Variants in PTPRN2 observed in about 807,000 individuals in gnomAD.
The protein encoded by PTPRN2 is receptor-type tyrosine-protein phosphatase N2.
In PTPRN2, 74 loss-of-function variants were observed where a neutral mutation model predicts 118.8. The observed-to-expected ratio is 0.62, with a 90% CI of 0.52 to 0.76. The LOEUF is 0.76. Among genes scored for constraint, PTPRN2 ranks in the 30% least tolerant of loss-of-function variants. The probability of loss-of-function intolerance (pLI) is 0.00; values close to 1 mark genes in which losing one functional copy is unlikely to be tolerated. For missense variants in PTPRN2, 1,481 were observed against 1,394.4 expected, an observed-to-expected ratio of 1.06 and a Z score of -0.99; for synonymous variants, 641 against 608.0, an observed-to-expected ratio of 1.05 and a Z score of -0.80.
At chr7:158,572,335 T>G (rs565795841) in intron 1 of PTPRN2, among the ~76,000 whole-genome samples, 1 of 152,354 alleles carries the variant, frequency 6.6e-6, no homozygotes, top group East Asian at 1.9e-4. Context: ...TGTGAACAAC[T>G]GTGGGGTTAA....
chr7:158,116,889 A>G (rs1434087611), intron 9 of PTPRN2, among the ~76,000 whole-genome samples: 1 of 152,204 alleles, frequency 6.6e-6, no homozygotes, highest in African/African-American at 2.4e-5. Flanking sequence ...CCTCAGGCTG[A>G]TCCTTGGCAC....
Position 157,603,855 on chromosome 7 carries a change from G to C in PTPRN2, c.2418+147C>G. 2.8e-6 allele frequency: 2 copies of C among 725,636 alleles called. No homozygotes were observed. Among genetic ancestry groups the C allele is most frequent in the Non-Finnish European group, 4.5e-6 (2 of 443,464 alleles). The allele number at this position is 725,636 out of a possible 1,614,324, so 44.9% of individuals were successfully genotyped here. A position where few individuals can be genotyped will look rare whatever the true frequency, so the allele number is the denominator to read the frequency against. On this transcript the variant is annotated intron_variant, in intron 16 of 22. Coordinates refer to ENST00000389418, the MANE Select transcript of PTPRN2 (RefSeq NM_002847.5). The surrounding 1 kb of genome is among the most constrained non-coding windows in gnomAD (Gnocchi z 5.4). ...GTGAAGGAACAGGGGAGTGGCGGGA[G>C]CCCAATGGGCAGAGTCGGCCCTGTC...
intron 3 of PTPRN2, among the ~76,000 whole-genome samples, chr7:158,245,518 G>A (rs1378419744): frequency 6.6e-6 from 1 of 152,086 alleles, no homozygotes; most frequent in Non-Finnish European, 1.5e-5. Flanking sequence ...AGTCAAACCA[G>A]GGGCCTTTCA....
chr7:157,686,548 A>T (rs1177979419), intron 12 of PTPRN2, among the ~76,000 whole-genome samples: 1 of 152,122 alleles, frequency 6.6e-6, no homozygotes, highest in Non-Finnish European at 1.5e-5. Context: ...CATCTCCCCC[A>T]TGGGCACCGA....
chr7:157,843,329 G>T (rs555883602), intron 12 of PTPRN2, among the ~76,000 whole-genome samples: 1 of 152,200 alleles, frequency 6.6e-6, no homozygotes, highest in Non-Finnish European at 1.5e-5. Context: ...CATTTGAGGT[G>T]TGTATAATTA....
intron 2 of PTPRN2, among the ~76,000 whole-genome samples, chr7:158,391,700 T>C (rs1449745857): frequency 6.6e-6 from 1 of 152,086 alleles, no homozygotes; most frequent in Non-Finnish European, 1.5e-5. Flanking sequence ...CTCACAGCCC[T>C]GACCAGCTGC....
intron 3 of PTPRN2, among the ~76,000 whole-genome samples, chr7:158,272,892 G>C (rs981982559): frequency 1.3e-5 from 2 of 152,208 alleles, no homozygotes; most frequent in African/African-American, 4.8e-5. Context: ...ATAGCTGATG[G>C]GGCTTGGCTG....
intron 12 of PTPRN2, among the ~76,000 whole-genome samples, chr7:157,873,632 T>C (rs4530915): frequency 6.4e-3 from 350 of 55,070 alleles, no homozygotes; most frequent in East Asian, 0.022. Context: ...CCTCAAGGTC[T>C]GTCTCGTCGT....
At chr7:158,483,071 G>A (rs185137415) in intron 2 of PTPRN2, among the ~76,000 whole-genome samples, 1 of 152,292 alleles carries the variant, frequency 6.6e-6, no homozygotes, top group East Asian at 1.9e-4. Flanking sequence ...TATGACATCA[G>A]AGCACGCCCT....
At chr7:158,330,522 C>T (rs1804153195) in intron 2 of PTPRN2, among the ~76,000 whole-genome samples, 1 of 102,026 alleles carries the variant, frequency 9.8e-6, no homozygotes, top group African/African-American at 3.3e-5. Context: ...CACCCACACT[C>T]TCACCATAAG....
chr7:157,793,712 G>A lies in PTPRN2; in HGVS notation c.1788+104961C>T, dbSNP rs544051207. 3.3e-5 allele frequency among the ~76,000 whole-genome samples: 5 copies of A among 152,256 alleles called. No homozygotes were observed. In the South Asian group the frequency reaches 6.2e-4, roughly 19 times the overall value. Reference sequence around the variant, plus strand: ...CAGCTCGGAGCCTCTAGGAGACACCGTCCCCCAGGGCCACGTATAGATCCA... The same window carrying A: ...CAGCTCGGAGCCTCTAGGAGACACCATCCCCCAGGGCCACGTATAGATCCA... On this transcript the variant is annotated intron_variant, in intron 12 of 22. Transcript: ENST00000389418.
At chr7:157,902,112 C>T (rs1478322358) in intron 11 of PTPRN2, among the ~76,000 whole-genome samples, 1 of 152,248 alleles carries the variant, frequency 6.6e-6, no homozygotes, top group Non-Finnish European at 1.5e-5. Context: ...ATTGGCAGTG[C>T]AGCAAGGTGC....
intron 5 of PTPRN2, among the ~76,000 whole-genome samples, chr7:158,190,394 T>C (rs1002286948): frequency 2.3e-4 from 35 of 152,208 alleles, no homozygotes; most frequent in African/African-American, 7.5e-4. Context: ...ATTTAGCCTG[T>C]TTAAAATAGT....
chr7:157,659,046 C>T (rs1795748118), intron 13 of PTPRN2, among the ~76,000 whole-genome samples: 1 of 151,944 alleles, frequency 6.6e-6, no homozygotes, highest in Admixed American at 6.5e-5. Flanking sequence ...TCCCTTCACC[C>T]CGGGCTGCCG....
intron 11 of PTPRN2, among the ~76,000 whole-genome samples, chr7:158,057,381 G>C (rs760176161): frequency 1.3e-5 from 2 of 152,174 alleles, no homozygotes; most frequent in Non-Finnish European, 2.9e-5. Flanking sequence ...GAACTTCCAC[G>C]TTACAGGCAG....
At chr7:157,685,924 G>A (rs1797164600) in intron 12 of PTPRN2, among the ~76,000 whole-genome samples, 1 of 152,090 alleles carries the variant, frequency 6.6e-6, no homozygotes. Flanking sequence ...AGGGGTGGGA[G>A]CCGCCCCAGG....
intron 9 of PTPRN2, among the ~76,000 whole-genome samples, chr7:158,123,226 A>T (rs2150398562): frequency 6.6e-6 from 1 of 152,338 alleles, no homozygotes; most frequent in African/African-American, 2.4e-5. Flanking sequence ...TTCTATTTAA[A>T]TCATCTTATA....
rs74937153 is a variant in PTPRN2, at chr7:157,763,499, T to C, written c.1789-80562A>G. ...CTAGCCCCAAACCCCACGGCACAGTTGGGGATCCTCTCGGCTGGGTCCCCA... is the reference window on the plus strand; with the variant it reads ...CTAGCCCCAAACCCCACGGCACAGTCGGGGATCCTCTCGGCTGGGTCCCCA... On this transcript the variant is annotated intron_variant, in intron 12 of 22. Transcript: ENST00000389418. The surrounding 1 kb of genome is among the most constrained non-coding windows in gnomAD (Gnocchi z 4.9). 0.015 allele frequency among the ~76,000 whole-genome samples: 2,206 copies of C among 152,128 alleles called. 69 individuals are homozygous for C. Among genetic ancestry groups the C allele is most frequent in the African/African-American group, 0.049 (2,049 of 41,490 alleles).
intron 11 of PTPRN2, among the ~76,000 whole-genome samples, chr7:157,918,479 C>T (rs1308805256): frequency 2.6e-5 from 4 of 152,160 alleles, no homozygotes; most frequent in Non-Finnish European, 2.9e-5. Flanking sequence ...GTGAGGACGA[C>T]GCGTGGGAGC....
Sources: allele counts gnomAD v4.1 joint callset (sites outside exome capture counted in the v4.1 genomes callset), GRCh38; gene constraint gnomAD v4.1.1; non-coding constraint Gnocchi (gnomAD v3.1); transcripts MANE v1.5; gene names NCBI Gene and HGNC (gene_info 2026-07-23, HGNC 2026-07-21).